SLC9A1: variants seen among roughly 807,000 people sequenced by gnomAD.
SLC9A1 encodes solute carrier family 9 member A1.
In SLC9A1, 22 loss-of-function variants were observed where a neutral mutation model predicts 67.9. That is an observed-to-expected ratio of 0.32 (90% CI 0.23 to 0.46). The LOEUF is 0.46. Ranked by LOEUF, SLC9A1 falls within the 20% of genes least tolerant of loss-of-function variation. The pLI, the probability that SLC9A1 is intolerant of heterozygous loss-of-function variation, is 1.00. For synonymous variants in SLC9A1, 421 were observed against 471.8 expected (o/e 0.89, Z 1.40); for missense variants, 686 against 1,094.8 (o/e 0.63, Z 5.27).
intron 1 of SLC9A1, among the ~76,000 whole-genome samples, chr1:27,141,940 T>A (rs1378705176): frequency 1.3e-5 from 2 of 152,130 alleles, no homozygotes; most frequent in East Asian, 3.9e-4. Flanking sequence ...CAACATTGGC[T>A]TGTGATGGAC....
intron 1 of SLC9A1, among the ~76,000 whole-genome samples, chr1:27,151,096 T>C (rs748738372): frequency 6.6e-6 from 1 of 152,020 alleles, no homozygotes; most frequent in Non-Finnish European, 1.5e-5. Flanking sequence ...AAGTGAACAG[T>C]ATAGGACACA....
intron 1 of SLC9A1, among the ~76,000 whole-genome samples, chr1:27,138,824 C>T (rs947207874): frequency 6.6e-6 from 1 of 152,094 alleles, no homozygotes; most frequent in Non-Finnish European, 1.5e-5. Flanking sequence ...CCAAGTTCAT[C>T]AGGAAGCATT....
chr1:27,119,186 G>A (rs902147924), intron 1 of SLC9A1, among the ~76,000 whole-genome samples: 3 of 152,004 alleles, frequency 2.0e-5, no homozygotes, highest in Non-Finnish European at 4.4e-5. Flanking sequence ...ATATCTCCTC[G>A]GACGGTCCCC....
Position 27,100,735 on chromosome 1 carries a change from C to T in SLC9A1, c.2111-91G>A. The T allele has an allele frequency of 9.4e-7, 1 of 1,060,282 alleles. No homozygotes were observed. Among genetic ancestry groups the T allele is most frequent in the African/African-American group, 1.6e-5 (1 of 63,344 alleles). 65.7% of individuals were successfully genotyped at this position (1,060,282 alleles called of 1,614,324 possible). A position where few individuals can be genotyped will look rare whatever the true frequency, so the allele number is the denominator to read the frequency against. ...GGCCGCGTCAGTGCCTCCTTCAGGC[C>T]TTCTCATGAGCACAGCCGTCCCGGT... On this transcript the variant is annotated intron_variant, in intron 11 of 11. Transcript: ENST00000263980. The surrounding 1 kb of genome is among the most constrained non-coding windows in gnomAD (Gnocchi z 5.6).
intron 3 of SLC9A1, 73 bp from the exon 4 acceptor site, chr1:27,107,938 C>A: frequency 2.6e-6 from 3 of 1,142,238 alleles, no homozygotes; most frequent in Non-Finnish European, 3.8e-6. Flanking sequence ...CTGCCAGGGG[C>A]AATGGGGCCA....
chr1:27,119,968 C>T (rs1335446640), intron 1 of SLC9A1, among the ~76,000 whole-genome samples: 2 of 152,060 alleles, frequency 1.3e-5, no homozygotes, highest in African/African-American at 4.8e-5. Context: ...GCTGCCCTCT[C>T]CAGGAAGCTC....
intron 5 of SLC9A1, 113 bp downstream of exon 5, chr1:27,105,772 G>A (rs1032132501): frequency 1.1e-6 from 1 of 906,098 alleles, no homozygotes; most frequent in Admixed American, 2.0e-5. Flanking sequence ...CAGCAAGTTA[G>A]TGGTGGAGCT....
intron 1 of SLC9A1, among the ~76,000 whole-genome samples, chr1:27,151,944 T>A (rs1052040916): frequency 4.6e-5 from 7 of 152,156 alleles, no homozygotes; most frequent in African/African-American, 1.7e-4. Flanking sequence ...ATGGGAAAAC[T>A]GAGGTCCAAG....
chr1:27,111,003 G>A (rs1174671920), intron 2 of SLC9A1, among the ~76,000 whole-genome samples: 1 of 152,212 alleles, frequency 6.6e-6, no homozygotes, highest in African/African-American at 2.4e-5. Flanking sequence ...GCAGCTCAGG[G>A]TCAGCCTCTG....
rs1181468288 is a variant in SLC9A1, at chr1:27,103,277, A to G, written c.1521T>C (p.Ala507=). 6.2e-7 allele frequency: 1 copy of G among 1,613,762 alleles called. No individual in the cohort carries two copies. Among genetic ancestry groups the G allele is most frequent in the East Asian group, 2.2e-5 (1 of 44,880 alleles). Reference sequence around the variant, plus strand: ...GCTTCGTCTCTTGCTTTTTCTTCACAGCCAACAGGTCTACCAGGGGCCGAA... The same window carrying G: ...GCTTCGTCTCTTGCTTTTTCTTCACGGCCAACAGGTCTACCAGGGGCCGAA... ...MTIRPLVDLL[A]VKKKQETKRS... is the part of the protein sequence containing the mutation. Residue 507 remains alanine (A), a synonymous_variant, in exon 6 of 12, where the codon GCT becomes GCC. Coordinates refer to ENST00000263980, the MANE Select transcript of SLC9A1 (RefSeq NM_003047.5).
intron 1 of SLC9A1, among the ~76,000 whole-genome samples, chr1:27,120,122 TTTTTGTTTTGTTTTG>T (rs371754030): frequency 1.3e-5 from 2 of 151,426 alleles, no homozygotes; most frequent in African/African-American, 4.9e-5. Flanking sequence ...TGGGAGGTTT[TTTTTGTTTTGTTTTG>T]TTTTGTTTTG....
At chr1:27,121,162 C>T (rs1249994485) in intron 1 of SLC9A1, among the ~76,000 whole-genome samples, 1 of 152,168 alleles carries the variant, frequency 6.6e-6, no homozygotes, top group Non-Finnish European at 1.5e-5. Flanking sequence ...TTCTTCCAAA[C>T]AGCACTTCTA....
At chr1:27,141,045 T>G (rs1349518947) in intron 1 of SLC9A1, among the ~76,000 whole-genome samples, 1 of 151,916 alleles carries the variant, frequency 6.6e-6, no homozygotes, top group African/African-American at 2.4e-5. Context: ...CCATCTCTAC[T>G]AAAAATACAA....
chr1:27,116,425 G>C (rs2083272769), intron 1 of SLC9A1, among the ~76,000 whole-genome samples: 1 of 152,026 alleles, frequency 6.6e-6, no homozygotes, highest in Admixed American at 6.6e-5. Flanking sequence ...TCCAGGCCCA[G>C]AATCCTGGCA....
chr1:27,125,939 CTACA>C (rs1371200143), intron 1 of SLC9A1, among the ~76,000 whole-genome samples: 22 of 152,112 alleles, frequency 1.4e-4, no homozygotes, highest in African/African-American at 4.8e-4. Context: ...AAGGCAGGGA[CTACA>C]TCCCCCTCCG....
intron 1 of SLC9A1, among the ~76,000 whole-genome samples, chr1:27,150,907 G>A (rs2083522145): frequency 6.6e-6 from 1 of 152,180 alleles, no homozygotes; most frequent in Non-Finnish European, 1.5e-5. Context: ...ATAGATGACA[G>A]AATGAGGGCT....
chr1:27,147,805 A>G (rs1233651046), intron 1 of SLC9A1, among the ~76,000 whole-genome samples: 8 of 152,058 alleles, frequency 5.3e-5, no homozygotes, highest in Admixed American at 2.6e-4. Flanking sequence ...GACAAGCCTG[A>G]CCAACACGGC....
chr1:27,127,006 G>C (rs748823610), intron 1 of SLC9A1, among the ~76,000 whole-genome samples: 6 of 152,012 alleles, frequency 3.9e-5, no homozygotes, highest in Non-Finnish European at 1.5e-5. Flanking sequence ...TTTTGCGGGG[G>C]GAGGGGGCAG....
intron 1 of SLC9A1, among the ~76,000 whole-genome samples, chr1:27,131,460 A>AAAAAAAAAG: frequency 6.7e-6 from 1 of 149,800 alleles, no homozygotes; most frequent in African/African-American, 2.5e-5. Flanking sequence ...AAAAAAAAAA[A>AAAAAAAAAG]AAAAAGAGGC....
Sources: allele counts gnomAD v4.1 joint callset (sites outside exome capture counted in the v4.1 genomes callset), GRCh38; gene constraint gnomAD v4.1.1; non-coding constraint Gnocchi (gnomAD v3.1); transcripts MANE v1.5; gene names NCBI Gene and HGNC (gene_info 2026-07-23, HGNC 2026-07-21).